Variants in LRRC51 observed in about 807,000 individuals in gnomAD.
LRRC51 encodes the protein leucine-rich repeat-containing protein 51.
Under a neutral mutation model 17.8 loss-of-function variants are expected in LRRC51, and 8 were observed. The observed-to-expected ratio is 0.45, with a 90% CI of 0.26 to 0.81. The LOEUF (loss-of-function observed/expected upper bound fraction) is 0.81, where lower values mean the gene tolerates loss of function less well. LRRC51 is among the 30% of genes least tolerant of loss of function. The pLI is 0.17. For missense variants in LRRC51, 233 were observed against 239.3 expected (o/e 0.97, Z 0.17); for synonymous variants, 92 against 96.0 (o/e 0.96, Z 0.24).
At chr11:72,088,904 A>G (rs1944692628) in intron 2 of LRRC51, 125 bp from the exon 3 acceptor site, 11 of 1,123,066 alleles carry the variant, frequency 9.8e-6, no homozygotes, top group East Asian at 2.6e-5. Flanking sequence ...GTGATTTCAT[A>G]TCTTAAAATG....
rs1254127271 is a variant in LRRC51, at chr11:72,084,585, C to T, written c.-140+3700C>T. ...GGCACAGTGGCTTACACCTGTAATC[C>T]CAGCACTTTGGGAGGCCAAGGTGAG... is the stretch of plus-strand genomic sequence containing the variant. On this transcript the variant is annotated intron_variant, in intron 1 of 5. Coordinates refer to ENST00000289488, the MANE Select transcript of LRRC51 (RefSeq NM_145309.6). 2.0e-5 allele frequency among the ~76,000 whole-genome samples: 3 copies of T among 151,998 alleles called. No individual in the cohort carries two copies. In the South Asian group the frequency reaches 6.2e-4, roughly 32 times the overall value.
intron 1 of LRRC51, chr11:72,085,262 A>G (rs1944469008): frequency 6.6e-6 from 1 of 152,236 alleles, no homozygotes; most frequent in Admixed American, 6.5e-5. Flanking sequence ...ACACTTTGTC[A>G]GTTCTCCCCA....
intron 2 of LRRC51, chr11:72,088,640 G>T: frequency 1.8e-6 from 1 of 562,114 alleles, no homozygotes; most frequent in Non-Finnish European, 3.2e-6. Context: ...TGGGTATCAA[G>T]ACAGTCTCCA....
intron 3 of LRRC51, among the ~76,000 whole-genome samples, chr11:72,091,435 G>A (rs559248786): frequency 1.8e-4 from 28 of 152,120 alleles, no homozygotes; most frequent in Non-Finnish European, 3.7e-4. Context: ...GAGCCATCTG[G>A]TGGATGTTGC....
At chr11:72,091,046 G>C (rs909516649) in intron 3 of LRRC51, among the ~76,000 whole-genome samples, 1 of 152,204 alleles carries the variant, frequency 6.6e-6, no homozygotes, top group Non-Finnish European at 1.5e-5. Context: ...CTTAGGCAGT[G>C]TAGTGCATTG....
chr11:72,091,237 C>T (rs143677162), intron 3 of LRRC51, among the ~76,000 whole-genome samples: 372 of 152,284 alleles, frequency 2.4e-3, no homozygotes, highest in Middle Eastern at 0.01. Context: ...TCACATGGGG[C>T]ACTAGTTCAT....
chr11:72,088,970 C>T (rs1944696742), intron 2 of LRRC51, 59 bp from the exon 3 acceptor site: 3 of 1,594,226 alleles, frequency 1.9e-6, no homozygotes, highest in African/African-American at 2.7e-5. Context: ...GGATGGAGGA[C>T]TATGGGGAAA....
chr11:72,094,888 T>C, intron 4 of LRRC51, 60 bp from the exon 5 acceptor site: 1 of 1,614,196 alleles, frequency 6.2e-7, no homozygotes, highest in Non-Finnish European at 8.5e-7. Flanking sequence ...GAGTCAGCCC[T>C]GAGCAGAGAT....
At chr11:72,089,509 G>A in intron 3 of LRRC51, 1 of 1,259,580 alleles carries the variant, frequency 7.9e-7, no homozygotes, top group Non-Finnish European at 1.0e-6. Context: ...AAGAAAACTG[G>A]GAAGCCAGTC....
intron 4 of LRRC51, chr11:72,094,687 G>C: frequency 1.4e-6 from 1 of 693,560 alleles, no homozygotes; most frequent in South Asian, 1.5e-5. Flanking sequence ...AACTAAGGCT[G>C]AGAGAGGCAA....
At position 72,095,654 on chromosome 11, in the gene LRRC51, A is replaced by C. The variant is rs770224220; in HGVS notation, c.*134A>C. 1 of 1,537,868 alleles carries C rather than the reference A, an allele frequency of 6.5e-7. No individual in the cohort carries two copies. Among genetic ancestry groups the C allele is most frequent in the African/African-American group, 1.4e-5 (1 of 72,502 alleles). On this transcript the variant is annotated 3_prime_UTR_variant, in exon 6 of 6. Coordinates refer to ENST00000289488, the MANE Select transcript of LRRC51 (RefSeq NM_145309.6). ...ATGTTCTCTAACTCAGGCAACTGCA[A>C]GTAGCTCTAGCCTTTTCTTTTCTTT...
At position 72,096,842 on chromosome 11, in the gene LRRC51, T is replaced by A. The variant is rs921157844; in HGVS notation, c.*1322T>A. On this transcript the variant is annotated 3_prime_UTR_variant, in exon 6 of 6. Transcript: ENST00000289488. ...CAAAGTAATTCCATTCTGTTTTATA[T>A]GCTGGGATTCTGCTTAAGATTTCAT... 4.2e-5 allele frequency: 53 copies of A among 1,273,250 alleles called. 1 individual carries two copies. In the African/African-American group the frequency reaches 8.0e-4, roughly 19 times the overall value. The allele number at this position is 1,273,250 out of a possible 1,614,324, so 78.9% of individuals were successfully genotyped here.
At chr11:72,091,021 GGAACTT>G (rs1944826324) in intron 3 of LRRC51, among the ~76,000 whole-genome samples, 1 of 152,170 alleles carries the variant, frequency 6.6e-6, no homozygotes, top group African/African-American at 2.4e-5. Context: ...CTCTGAACAA[GGAACTT>G]TACAGATTCT....
chr11:72,091,246 A>T (rs1000297686), intron 3 of LRRC51, among the ~76,000 whole-genome samples: 4 of 152,122 alleles, frequency 2.6e-5, no homozygotes, highest in Non-Finnish European at 4.4e-5. Flanking sequence ...GCACTAGTTC[A>T]TGTGGGGTTA....
At chr11:72,085,512 C>G (rs953317511) in intron 1 of LRRC51, 1 of 151,088 alleles carries the variant, frequency 6.6e-6, no homozygotes, top group Non-Finnish European at 1.5e-5. Context: ...ATGAAATTAA[C>G]AGAGAATACA....
intron 4 of LRRC51, 174 bp from the exon 5 acceptor site, chr11:72,094,772 GTA>G: frequency 8.1e-7 from 1 of 1,227,498 alleles, no homozygotes; most frequent in Non-Finnish European, 1.2e-6. Flanking sequence ...GTGATGCCCT[GTA>G]TGTCTTAAAA....
At chr11:72,095,279 T>G in intron 5 of LRRC51, 100 bp from the exon 6 acceptor site, 1 of 1,606,528 alleles carries the variant, frequency 6.2e-7, no homozygotes, top group Admixed American at 1.7e-5. Flanking sequence ...TATGCTCAAG[T>G]CCCTCCATTC....
intron 2 of LRRC51, 126 bp downstream of exon 2, chr11:72,088,506 G>A (rs879308685): frequency 5.8e-5 from 39 of 668,378 alleles, no homozygotes; most frequent in Admixed American, 2.7e-4. Context: ...GAAGCCAAGC[G>A]GAGAAGGTGG....
At chr11:72,088,673 G>A in intron 2 of LRRC51, 2 of 539,104 alleles carry the variant, frequency 3.7e-6, no homozygotes, top group South Asian at 4.4e-5. Flanking sequence ...TAGAGTAACA[G>A]AAAAGGTCTC....
Sources: gnomAD v4.1 joint callset for allele counts (sites outside exome capture counted in the v4.1 genomes callset) on GRCh38, gnomAD v4.1.1 for gene constraint, MANE v1.5 for transcripts, NCBI Gene and HGNC (gene_info 2026-07-23, HGNC 2026-07-21) for gene names.